Variants in TBX22 observed in about 807,000 individuals in gnomAD.
TBX22 encodes the protein T-box transcription factor TBX22.
Under a neutral mutation model 30.1 loss-of-function variants are expected in TBX22, and 8 were observed. The observed-to-expected ratio is 0.27, with a 90% CI of 0.16 to 0.48. The LOEUF is 0.48. TBX22 is among the 20% of genes least tolerant of loss of function. The pLI, the probability that TBX22 is intolerant of heterozygous loss-of-function variation, is 0.99. For synonymous variants in TBX22, 173 were observed against 149.1 expected (o/e 1.16, Z -1.17); for missense variants, 463 against 400.5 (o/e 1.16, Z -1.33).
chrX:80,030,731 G>A lies in TBX22; in HGVS notation c.1183G>A (p.Ala395Thr), dbSNP rs992049559. The A allele has an allele frequency of 8.3e-7, 1 of 1,210,226 alleles. No individual in the cohort carries two copies. The highest frequency in any genetic ancestry group is 1.7e-5 in the African/African-American group (1 of 57,240). Residue 395 changes from alanine to threonine, a missense_variant, in exon 9 of 9, where the codon GCA becomes ACA. Coordinates refer to ENST00000373296, the MANE Select transcript of TBX22 (RefSeq NM_001109878.2). ...PLVLPAPERLASSNSSQSLAP... is the reference protein window; with the variant it reads ...PLVLPAPERLTSSNSSQSLAP... Reference sequence around the variant, plus strand: ...TGTTTTACCGGCTCCTGAAAGACTAGCAAGCAGCAACAGTTCTCAGTCTTT... The same window carrying A: ...TGTTTTACCGGCTCCTGAAAGACTAACAAGCAGCAACAGTTCTCAGTCTTT...
Position 80,023,229 on chromosome X carries a change from T to C in TBX22, c.345T>C (p.Thr115=). The C allele has an allele frequency of 8.3e-7, 1 of 1,211,536 alleles. No homozygotes were observed. Among genetic ancestry groups the C allele is most frequent in the Non-Finnish European group, 1.1e-6 (1 of 895,263 alleles). ...ACATCGGGACTGAGATGATCATTACTAAAGCGGGCAGGTTCGGTTCTGCCC... is the reference window on the plus strand; with the variant it reads ...ACATCGGGACTGAGATGATCATTACCAAAGCGGGCAGGTTCGGTTCTGCCC... ...FHDIGTEMII[T]KAGRRMFPSV... Residue 115 remains threonine, a synonymous_variant, in exon 3 of 9, where the codon ACT becomes ACC. Transcript: ENST00000373296.
At chrX:80,015,464 G>A (rs1923391638) in intron 1 of TBX22, among the ~76,000 whole-genome samples, 1 of 112,726 alleles carries the variant, frequency 8.9e-6, no homozygotes, top group South Asian at 3.7e-4. Flanking sequence ...AGGATTATTT[G>A]ATCTTCTTTG....
In TBX22 at chrX:80,027,977, ACTCT is replaced by A. The variant is rs1294110649; in HGVS notation, c.864-11_864-8del. The A allele has an allele frequency of 1.7e-6, 2 of 1,174,178 alleles. No individual in the cohort carries two copies. The highest frequency in any genetic ancestry group is 1.8e-5 in the African/African-American group (1 of 56,541). On this transcript the variant is annotated splice_polypyrimidine_tract_variant and intron_variant, in intron 7 of 8. Transcript: ENST00000373296. The stretch of plus-strand genomic sequence containing the variant: ...TGCATTCTGGGGATGCTGAAAGTTG[ACTCT>A]CTTTTTTAGGGGTGTATTGGATGGG...
At chrX:80,015,289 G>A (rs188839119) in intron 1 of TBX22, among the ~76,000 whole-genome samples, 1 of 112,087 alleles carries the variant, frequency 8.9e-6, no homozygotes, top group African/African-American at 3.2e-5. Flanking sequence ...GCAAGGGGAA[G>A]GGACGGGAGT....
chrX:80,026,600 A>G (rs1021949081), intron 5 of TBX22, 104 bp from the exon 6 acceptor site: 22 of 875,636 alleles, frequency 2.5e-5, no homozygotes, highest in African/African-American at 2.2e-4. Context: ...CCTAAGCTTC[A>G]TCATTGCCTT....
At position 80,029,549 on chromosome X, in the gene TBX22, G is replaced by A. The variant is rs576345423; in HGVS notation, c.950-949G>A. On this transcript the variant is annotated intron_variant, in intron 8 of 8. Transcript: ENST00000373296. ...TTTTTGTATAAGAAAAAAAGCTAAG[G>A]CTTTTAAATATATTGCTTTCATTTA... Among the ~76,000 whole-genome samples, 6 of 111,758 alleles carry A rather than the reference G, an allele frequency of 5.4e-5. No homozygotes were observed. In the South Asian group the frequency reaches 2.2e-3, roughly 42 times the overall value.
chrX:80,015,565 T>C (rs996069917), intron 1 of TBX22, among the ~76,000 whole-genome samples: 24 of 112,192 alleles, frequency 2.1e-4, no homozygotes, highest in Non-Finnish European at 4.1e-4. Flanking sequence ...AAAAAGATTG[T>C]TTTATTTTAC....
intron 4 of TBX22, 67 bp downstream of exon 4, chrX:80,024,231 G>A (rs1923862506): frequency 6.0e-6 from 6 of 993,407 alleles, no homozygotes; most frequent in Non-Finnish European, 8.6e-6. Flanking sequence ...CTTCAGACCT[G>A]AAACCTGACA....
chrX:80,015,038 C>T (rs57455893), intron 1 of TBX22, among the ~76,000 whole-genome samples, 151 bp downstream of exon 1: 26,306 of 110,111 alleles, frequency 0.24, 2,408 homozygotes, highest in East Asian at 0.36. Flanking sequence ...TTTCATCTTT[C>T]ATTAACTGGG....
chrX:80,028,876 G>A (rs1321659013), intron 8 of TBX22, among the ~76,000 whole-genome samples: 1 of 110,004 alleles, frequency 9.1e-6, no homozygotes, highest in African/African-American at 3.3e-5. Context: ...ACAACTAACT[G>A]AAAAGGGAAG....
Position 80,031,238 on chromosome X carries a change from T to C in TBX22, c.*127T>C, listed in dbSNP as rs1393510967. On this transcript the variant is annotated 3_prime_UTR_variant, in exon 9 of 9. Transcript: ENST00000373296. Reference sequence around the variant, plus strand: ...CAATACAGTATTTCTTTGTTATACATTTAAAGATTTAAAGTGCCTTATCAA... The same window carrying C: ...CAATACAGTATTTCTTTGTTATACACTTAAAGATTTAAAGTGCCTTATCAA... The C allele has an allele frequency of 1.5e-5, 9 of 587,784 alleles. No individual in the cohort carries two copies. Among genetic ancestry groups the C allele is most frequent in the Non-Finnish European group, 2.3e-5 (9 of 387,501 alleles). 48.4% of individuals were successfully genotyped at this position (587,784 alleles called of 1,213,427 possible). A position where few individuals can be genotyped will look rare whatever the true frequency, so the allele number is the denominator to read the frequency against.
chrX:80,019,697 T>A (rs752061606), intron 1 of TBX22, among the ~76,000 whole-genome samples: 1 of 111,419 alleles, frequency 9.0e-6, no homozygotes, highest in East Asian at 2.8e-4. Context: ...AAGCTAGTTA[T>A]GAGATAATGC....
intron 2 of TBX22, 57 bp downstream of exon 2, chrX:80,022,501 C>T (rs1246199606): frequency 1.8e-6 from 2 of 1,117,024 alleles, no homozygotes; most frequent in Non-Finnish European, 2.4e-6. Context: ...CCGCATCTCT[C>T]CGCCTGGCTC....
chrX:80,029,716 A>G (rs1302675935), intron 8 of TBX22, among the ~76,000 whole-genome samples: 1 of 112,376 alleles, frequency 8.9e-6, no homozygotes, highest in Admixed American at 9.5e-5. Context: ...AAATCTATAT[A>G]ATCCCAAACA....
Position 80,025,627 on chromosome X carries a change from G to T in TBX22, c.483G>T (p.Trp161Cys). The change falls in exon 5 of 9, where the codon TGG becomes TGT. Residue 161 changes from tryptophan (W) to cysteine (C), a missense_variant. Transcript: ENST00000373296. ...RYRYVYHSSQ[W>C]MVAGNTDHLC... ...GGTACGTCTATCACAGCTCACAGTG[G>T]ATGGTAGCTGGGAATACAGACCATT... 1 of 1,209,211 alleles carries T rather than the reference G, an allele frequency of 8.3e-7. No homozygotes were observed. Among genetic ancestry groups the T allele is most frequent in the Non-Finnish European group, 1.1e-6 (1 of 893,336 alleles).
chrX:80,022,439 C>T lies in TBX22; in HGVS notation c.170C>T (p.Pro57Leu), dbSNP rs770084170. Residue 57 changes from proline (P) to leucine (L), a missense_variant, in exon 2 of 9, where the codon CCG (proline) becomes CTG (leucine). Transcript: ENST00000373296. ...RRSSAAGKSE[P>L]LEKQPKTEPS... ...AGCAGCGCTGCAGGGAAGAGCGAGC[C>T]GCTTGGTAAGTACTGCCATTGCCCT... is the stretch of plus-strand genomic sequence containing the variant. The T allele has an allele frequency of 4.2e-6, 5 of 1,181,932 alleles. No individual in the cohort carries two copies. In the Admixed American group the frequency reaches 1.2e-4, roughly 29 times the overall value.
At position 80,025,595 on chromosome X, in the gene TBX22, T is replaced by C; in HGVS notation, c.459-8T>C. ...CTGCACCTAATGCCACAGCATGTGT[T>C]TTTTCAGGTACGTCTATCACAGCTC... On this transcript the variant is annotated splice_polypyrimidine_tract_variant and splice_region_variant and intron_variant, in intron 4 of 8. Transcript: ENST00000373296. The C allele has an allele frequency of 2.5e-6, 3 of 1,206,710 alleles. No homozygotes were observed. The highest frequency in any genetic ancestry group is 3.4e-6 in the Non-Finnish European group (3 of 891,147).
At chrX:80,022,955 G>A (rs746870557) in intron 2 of TBX22, 105 bp from the exon 3 acceptor site, 3 of 829,406 alleles carry the variant, frequency 3.6e-6, no homozygotes, top group African/African-American at 2.0e-5. Flanking sequence ...AAAGTTCCTG[G>A]GGAAGGGACA....
intron 2 of TBX22, among the ~76,000 whole-genome samples, 156 bp from the exon 3 acceptor site, chrX:80,022,904 G>A (rs1602408885): frequency 1.8e-5 from 2 of 109,960 alleles, no homozygotes; most frequent in East Asian, 5.8e-4. Context: ...CCATTAAGCG[G>A]CCACAGAGGG....
Sources: allele counts gnomAD v4.1 joint callset (sites outside exome capture counted in the v4.1 genomes callset), GRCh38; gene constraint gnomAD v4.1.1; transcripts MANE v1.5; gene names NCBI Gene and HGNC (gene_info 2026-07-23, HGNC 2026-07-21).